Variants in U2AF2 observed in about 807,000 individuals in gnomAD.
U2AF2 encodes the protein U2 small nuclear RNA auxiliary factor 2.
A neutral mutation model predicts 52.6 loss-of-function variants in U2AF2; 6 were observed. The observed-to-expected ratio is 0.11, with a 90% CI of 0.06 to 0.23. U2AF2 has a LOEUF of 0.23. Among genes scored for constraint, U2AF2 ranks in the 10% least tolerant of loss-of-function variants. The probability of loss-of-function intolerance (pLI) is 1.00; values close to 1 mark genes in which losing one functional copy is unlikely to be tolerated. For missense variants in U2AF2, 222 were observed against 677.1 expected, an observed-to-expected ratio of 0.33 and a Z score of 7.46; for synonymous variants, 284 against 258.2, an observed-to-expected ratio of 1.10 and a Z score of -0.96.
intron 1 of U2AF2, chr19:55,658,913 C>T (rs1402001992): frequency 3.0e-6 from 1 of 329,014 alleles, no homozygotes; most frequent in African/African-American, 2.1e-5. Flanking sequence ...CCCCTCAGCC[C>T]TCGAGGGGGA....
At chr19:55,666,796 C>T (rs950492594) in intron 7 of U2AF2, among the ~76,000 whole-genome samples, 10 of 152,206 alleles carry the variant, frequency 6.6e-5, no homozygotes, top group Admixed American at 6.5e-4. Flanking sequence ...AGCCAGGGCT[C>T]GCGGCTGAGC....
chr19:55,663,806 T>G, intron 7 of U2AF2, 62 bp downstream of exon 7: 1 of 1,601,134 alleles, frequency 6.2e-7, no homozygotes, highest in Non-Finnish European at 8.5e-7. Context: ...GGCCTGTCCA[T>G]CCCTTCAGCC....
Position 55,673,948 on chromosome 19 carries a change from C to T in U2AF2, c.1308C>T (p.Phe436=). ...TTTCCCCACAGATCTTTGTGGAGTT[C>T]ACCTCTGTGTTTGACTGCCAGAAAG... is the stretch of plus-strand genomic sequence containing the variant. ...VPGCGKIFVE[F]TSVFDCQKAM... is the part of the protein sequence containing the mutation. The change falls in exon 12 of 12, where the codon TTC becomes TTT. Residue 436 remains phenylalanine, a synonymous_variant. Coordinates refer to ENST00000308924, the MANE Select transcript of U2AF2 (RefSeq NM_007279.3). The T allele has an allele frequency of 6.2e-7, 1 of 1,613,172 alleles. No individual in the cohort carries two copies. The highest frequency in any genetic ancestry group is 8.5e-7 in the Non-Finnish European group (1 of 1,179,512).
chr19:55,663,452 C>T (rs563915011), intron 6 of U2AF2, among the ~76,000 whole-genome samples, 154 bp from the exon 7 acceptor site: 9 of 152,122 alleles, frequency 5.9e-5, no homozygotes, highest in Non-Finnish European at 1.3e-4. Context: ...CAGGGACATG[C>T]GTGTCTGTTG....
At chr19:55,656,626 CTT>C (rs1983814933) in intron 1 of U2AF2, among the ~76,000 whole-genome samples, 2 of 152,312 alleles carry the variant, frequency 1.3e-5, no homozygotes, top group African/African-American at 4.8e-5. Flanking sequence ...TCGCTAAACT[CTT>C]AGCATGTTTT....
In U2AF2 at chr19:55,663,759, C is replaced by T. The variant is rs1984367067; in HGVS notation, c.742+15C>T. On this transcript the variant is annotated intron_variant, in intron 7 of 11. Transcript: ENST00000308924. ...CTATGTGCCTGGTGAGTGGGGGATCCATTAAGGGCCCCTTTCTCCCCCAGT... is the reference window on the plus strand; with the variant it reads ...CTATGTGCCTGGTGAGTGGGGGATCTATTAAGGGCCCCTTTCTCCCCCAGT... 5.0e-6 allele frequency: 8 copies of T among 1,613,672 alleles called. No individual in the cohort carries two copies. Among genetic ancestry groups the T allele is most frequent in the Admixed American group, 1.7e-5 (1 of 59,970 alleles).
At chr19:55,659,164 A>G (rs1362753468) in intron 1 of U2AF2, 46 bp from the exon 2 acceptor site, 1 of 1,477,620 alleles carries the variant, frequency 6.8e-7, no homozygotes, top group South Asian at 1.4e-5. Flanking sequence ...CTGGGCCCGC[A>G]TCCTTACTCC....
At chr19:55,667,239 C>A (rs1984603171) in intron 7 of U2AF2, among the ~76,000 whole-genome samples, 1 of 152,054 alleles carries the variant, frequency 6.6e-6, no homozygotes, top group Non-Finnish European at 1.5e-5. Flanking sequence ...ATGGGCACAG[C>A]GGCTCATGCT....
chr19:55,667,871 C>T (rs1391394790), intron 7 of U2AF2, among the ~76,000 whole-genome samples: 7 of 151,886 alleles, frequency 4.6e-5, no homozygotes, highest in South Asian at 2.1e-4. Context: ...CTGCAACCTC[C>T]GCCTCCTGGG....
intron 10 of U2AF2, 97 bp from the exon 11 acceptor site, chr19:55,669,347 C>T (rs1236408888): frequency 6.5e-6 from 10 of 1,542,306 alleles, no homozygotes; most frequent in Admixed American, 1.9e-5. Flanking sequence ...GGAGAGATGG[C>T]CTTTCCCCTG....
intron 11 of U2AF2, chr19:55,671,851 G>C (rs1465766391): frequency 1.3e-5 from 2 of 152,270 alleles, no homozygotes; most frequent in African/African-American, 4.8e-5. Flanking sequence ...CGGCGGCCCG[G>C]CGAGGTGGCT....
intron 1 of U2AF2, among the ~76,000 whole-genome samples, chr19:55,657,140 G>C (rs1983846312): frequency 6.6e-6 from 1 of 152,230 alleles, no homozygotes; most frequent in Non-Finnish European, 1.5e-5. Context: ...CTCTCAGATG[G>C]TGCTTCACCG....
chr19:55,660,109 G>C, intron 2 of U2AF2, 68 bp from the exon 3 acceptor site: 1 of 1,494,800 alleles, frequency 6.7e-7, no homozygotes, highest in South Asian at 1.2e-5. Flanking sequence ...CCTTGGGGGG[G>C]TGTGGCATGT....
At chr19:55,665,182 G>A (rs1215600424) in intron 7 of U2AF2, among the ~76,000 whole-genome samples, 15 of 152,324 alleles carry the variant, frequency 9.8e-5, no homozygotes, top group Non-Finnish European at 1.0e-4. Flanking sequence ...AATCCACTGC[G>A]TTTTCATTCA....
intron 1 of U2AF2, chr19:55,658,756 C>G (rs1432363039): frequency 6.4e-6 from 1 of 156,314 alleles, no homozygotes; most frequent in South Asian, 2.1e-4. Context: ...CACCTGACCC[C>G]TAGTCCTGAT....
rs913961837 is a variant in U2AF2, at chr19:55,674,316, CAG to C, written c.*251_*252del. The C allele has an allele frequency of 1.1e-4, 51 of 485,690 alleles. No individual in the cohort carries two copies. The highest frequency in any genetic ancestry group is 1.7e-4 in the Non-Finnish European group (46 of 270,522). 30.1% of individuals were successfully genotyped at this position (485,690 alleles called of 1,614,324 possible). A position where few individuals can be genotyped will look rare whatever the true frequency, so the allele number is the denominator to read the frequency against. ...CAGACAACACGCACCCACACAGACA[CAG>C]AGGGAAGGGGTTGGGATGGGGACAG... is the stretch of plus-strand genomic sequence containing the variant. On this transcript the variant is annotated 3_prime_UTR_variant, in exon 12 of 12. Transcript: ENST00000308924.
At chr19:55,658,950 C>T (rs1983973521) in intron 1 of U2AF2, 2 of 423,050 alleles carry the variant, frequency 4.7e-6, no homozygotes, top group Non-Finnish European at 7.8e-6. Flanking sequence ...TCTGTCTTCT[C>T]TGGCTCCCCA....
At position 55,674,319 on chromosome 19, in the gene U2AF2, A is replaced by T; in HGVS notation, c.*251A>T. 1 of 458,212 alleles carries T rather than the reference A, an allele frequency of 2.2e-6. No homozygotes were observed. Among genetic ancestry groups the T allele is most frequent in the Non-Finnish European group, 4.0e-6 (1 of 253,024 alleles). The allele number at this position is 458,212 out of a possible 1,614,324, so 28.4% of individuals were successfully genotyped here. A position where few individuals can be genotyped will look rare whatever the true frequency, so the allele number is the denominator to read the frequency against. ...ACAACACGCACCCACACAGACACAG[A>T]GGGAAGGGGTTGGGATGGGGACAGG... is the stretch of plus-strand genomic sequence containing the variant. On this transcript the variant is annotated 3_prime_UTR_variant, in exon 12 of 12. Coordinates refer to ENST00000308924, the MANE Select transcript of U2AF2 (RefSeq NM_007279.3).
chr19:55,673,767 T>C (rs1007918140), intron 11 of U2AF2, among the ~76,000 whole-genome samples, 167 bp from the exon 12 acceptor site: 1 of 152,226 alleles, frequency 6.6e-6, no homozygotes, highest in Non-Finnish European at 1.5e-5. Flanking sequence ...CTGGAGAATA[T>C]TTGGGTGAAC....
Sources: allele counts gnomAD v4.1 joint callset (sites outside exome capture counted in the v4.1 genomes callset), GRCh38; gene constraint gnomAD v4.1.1; transcripts MANE v1.5; gene names NCBI Gene and HGNC (gene_info 2026-07-23, HGNC 2026-07-21).